Variants in NCKAP1 observed in about 807,000 individuals in gnomAD.
NCKAP1 encodes NCK associated protein 1, also known as nck-associated protein 1.
NCKAP1 carries 21 observed loss-of-function variants against 151.2 expected under a neutral mutation model. The ratio of observed to expected loss-of-function variants is 0.14; its 90% CI spans 0.10 to 0.20. The LOEUF is 0.20. Ranked by LOEUF, NCKAP1 falls within the 10% of genes least tolerant of loss-of-function variation. NCKAP1 has a pLI of 1.00. For synonymous variants in NCKAP1, 484 were observed against 451.8 expected (o/e 1.07, Z -0.90); for missense variants, 933 against 1,352.1 (o/e 0.69, Z 4.86).
chr2:182,954,200 T>A (rs1697277900), intron 20 of NCKAP1, among the ~76,000 whole-genome samples: 12 of 152,204 alleles, frequency 7.9e-5, no homozygotes, highest in Admixed American at 7.9e-4. Context: ...ACAAACTGTA[T>A]GACAGTCAAA....
At chr2:182,932,736 T>C (rs1250764021) in intron 26 of NCKAP1, among the ~76,000 whole-genome samples, 1 of 152,044 alleles carries the variant, frequency 6.6e-6, no homozygotes, top group Non-Finnish European at 1.5e-5. Flanking sequence ...AGGTGAAAAG[T>C]GAATGGTTGC....
intron 1 of NCKAP1, among the ~76,000 whole-genome samples, chr2:183,035,708 G>A (rs945679257): frequency 7.9e-5 from 12 of 152,148 alleles, no homozygotes; most frequent in African/African-American, 2.4e-4. Context: ...CAGACTCACA[G>A]ACAATTCTAT....
At chr2:182,928,980 T>C (rs1696704717) in intron 27 of NCKAP1, 81 bp from the exon 28 acceptor site, 1 of 889,952 alleles carries the variant, frequency 1.1e-6, no homozygotes, top group Non-Finnish European at 1.7e-6. Context: ...TAAACAGATT[T>C]TTATTTTAAA....
At chr2:182,946,441 G>T (rs561010211) in intron 23 of NCKAP1, among the ~76,000 whole-genome samples, 6 of 151,978 alleles carry the variant, frequency 3.9e-5, no homozygotes, top group African/African-American at 1.2e-4. Context: ...CCTACTTGAA[G>T]GTAGAGGGTG....
At chr2:182,993,296 A>T (rs187473948) in intron 8 of NCKAP1, among the ~76,000 whole-genome samples, 126 of 152,210 alleles carry the variant, frequency 8.3e-4, no homozygotes, top group African/African-American at 2.4e-4. Flanking sequence ...CCTTTGTGAA[A>T]TTTTTTCCCG....
At chr2:183,024,009 A>G in intron 1 of NCKAP1, 93 bp from the exon 2 acceptor site, 1 of 1,022,186 alleles carries the variant, frequency 9.8e-7, no homozygotes, top group Admixed American at 2.2e-5. Flanking sequence ...AGAGATATTT[A>G]TTGTTTTTGG....
At chr2:182,942,691 A>G (rs1305607067) in intron 23 of NCKAP1, among the ~76,000 whole-genome samples, 4 of 152,084 alleles carry the variant, frequency 2.6e-5, no homozygotes, top group East Asian at 3.8e-4. Flanking sequence ...AGTATAAACT[A>G]TCTACTCCTC....
intron 2 of NCKAP1, among the ~76,000 whole-genome samples, chr2:183,005,818 G>A (rs1046116361): frequency 4.6e-5 from 7 of 152,036 alleles, no homozygotes; most frequent in Non-Finnish European, 7.4e-5. Context: ...CTTTCTTACT[G>A]TTCCTCTACT....
intron 23 of NCKAP1, among the ~76,000 whole-genome samples, chr2:182,951,098 C>A (rs1476136574): frequency 6.6e-6 from 1 of 151,856 alleles, no homozygotes; most frequent in Non-Finnish European, 1.5e-5. Context: ...TCCCAAAGTG[C>A]TGGATTACAG....
At chr2:182,982,389 T>C (rs975325704) in intron 12 of NCKAP1, among the ~76,000 whole-genome samples, 1 of 152,162 alleles carries the variant, frequency 6.6e-6, no homozygotes, top group Non-Finnish European at 1.5e-5. Context: ...AGAATATAGA[T>C]GGTGCACAAC....
At chr2:183,029,820 C>CAA (rs1698971026) in intron 1 of NCKAP1, among the ~76,000 whole-genome samples, 2 of 78,234 alleles carry the variant, frequency 2.6e-5, no homozygotes, top group African/African-American at 1.3e-4. Flanking sequence ...GACCCTGACT[C>CAA]GAAAAAAAAA....
intron 2 of NCKAP1, among the ~76,000 whole-genome samples, chr2:183,010,306 G>C (rs1308662552): frequency 6.6e-6 from 1 of 152,172 alleles, no homozygotes; most frequent in African/African-American, 2.4e-5. Context: ...TTGGAACACT[G>C]CCCTGACGTG....
intron 23 of NCKAP1, among the ~76,000 whole-genome samples, chr2:182,943,146 C>A (rs975906124): frequency 6.6e-6 from 1 of 152,110 alleles, no homozygotes; most frequent in Non-Finnish European, 1.5e-5. Context: ...ATCACAATCA[C>A]CTGTGGTGCT....
At chr2:182,996,155 AC>A (rs1698264098) in intron 6 of NCKAP1, among the ~76,000 whole-genome samples, 1 of 152,220 alleles carries the variant, frequency 6.6e-6, no homozygotes, top group Admixed American at 6.5e-5. Context: ...GCCCACTGTC[AC>A]CTTTTTGCCA....
At chr2:182,961,380 C>T (rs1179695167) in intron 18 of NCKAP1, among the ~76,000 whole-genome samples, 2 of 152,192 alleles carry the variant, frequency 1.3e-5, no homozygotes, top group African/African-American at 4.8e-5. Flanking sequence ...GGCACATATA[C>T]ACCATGGAAT....
At chr2:182,987,381 C>T (rs1351215527) in intron 9 of NCKAP1, among the ~76,000 whole-genome samples, 3 of 152,088 alleles carry the variant, frequency 2.0e-5, no homozygotes, top group Non-Finnish European at 4.4e-5. Context: ...AATCATCACC[C>T]TCTATAATTA....
chr2:182,928,677 C>T (rs1696698019), intron 28 of NCKAP1, 106 bp downstream of exon 28: 1 of 693,310 alleles, frequency 1.4e-6, no homozygotes, highest in Non-Finnish European at 2.4e-6. Context: ...AACAGACTAC[C>T]CCATGTTCCA....
chr2:182,995,937 A>G, intron 6 of NCKAP1, 99 bp from the exon 7 acceptor site: 2 of 1,027,584 alleles, frequency 1.9e-6, no homozygotes, highest in South Asian at 1.5e-5. Context: ...ATACCATCAT[A>G]AAACAACACA....
At position 182,953,124 on chromosome 2, in the gene NCKAP1, T is replaced by C. The variant is rs141353544; in HGVS notation, c.2361A>G (p.Leu787=). 62 of 1,608,608 alleles carry C rather than the reference T, an allele frequency of 3.9e-5. 1 individual carries two copies. The South Asian group carries it at 5.8e-4, about 15-fold the overall frequency. Residue 787 remains leucine, a synonymous_variant, in exon 21 of 31, where the codon CTA becomes CTG. Transcript: ENST00000361354. ...AATGCATTCCTTACCAATTTGTGTA[T>C]AGACTTGTAATGGTTGGCTCTCCAT... ...DSHGEPTITS[L]YTNWYLETLL...
Sources: gnomAD v4.1 joint callset for allele counts (sites outside exome capture counted in the v4.1 genomes callset) on GRCh38, gnomAD v4.1.1 for gene constraint, MANE v1.5 for transcripts, NCBI Gene and HGNC (gene_info 2026-07-23, HGNC 2026-07-21) for gene names.